GABPB1: variants seen among roughly 807,000 people sequenced by gnomAD.
GABPB1 encodes GA-binding protein subunit beta-1.
Under a neutral mutation model 45.9 loss-of-function variants are expected in GABPB1, and 15 were observed. The observed-to-expected ratio is 0.33, with a 90% CI of 0.22 to 0.50. The LOEUF is 0.50. GABPB1 is among the 20% of genes least tolerant of loss of function. The pLI, the probability that GABPB1 is intolerant of heterozygous loss-of-function variation, is 0.98. For missense variants in GABPB1, 252 were observed against 457.5 expected (o/e 0.55, Z 4.10); for synonymous variants, 143 against 154.4 (o/e 0.93, Z 0.55).
intron 7 of GABPB1, 86 bp downstream of exon 7, chr15:50,289,397 T>C: frequency 1.2e-6 from 1 of 803,438 alleles, no homozygotes; most frequent in East Asian, 2.8e-5. Context: ...ATAAACACAA[T>C]CTTTTTGGAC....
chr15:50,308,769 G>C (rs1046894367), intron 2 of GABPB1, among the ~76,000 whole-genome samples: 4 of 152,036 alleles, frequency 2.6e-5, no homozygotes, highest in Non-Finnish European at 4.4e-5. Flanking sequence ...TACTTAAGAA[G>C]ACTTTCTTTA....
chr15:50,304,144 G>GA lies in GABPB1; in HGVS notation c.109-12dup, dbSNP rs367702829. On this transcript the variant is annotated splice_polypyrimidine_tract_variant and intron_variant, in intron 2 of 8. Transcript: ENST00000380877. ...TGGAGAAGTTCCCAGCTGTACCACA[G>GA]AAAAAAAAAAAAATCCACATTTACA... is the stretch of plus-strand genomic sequence containing the variant. 0.15 allele frequency: 144,000 copies of GA among 988,380 alleles called. 1 individual carries two copies. Among genetic ancestry groups the GA allele is most frequent in the South Asian group, 0.17 (8,650 of 51,868 alleles). The allele number at this position is 988,380 out of a possible 1,614,324, so 61.2% of individuals were successfully genotyped here. A position where few individuals can be genotyped will look rare whatever the true frequency, so the allele number is the denominator to read the frequency against.
chr15:50,337,374 C>CCT (rs902050215), intron 1 of GABPB1, among the ~76,000 whole-genome samples: 5 of 151,812 alleles, frequency 3.3e-5, no homozygotes, highest in Non-Finnish European at 7.4e-5. Flanking sequence ...TTTTGAAAGA[C>CCT]TAAGCCAGCA....
chr15:50,286,072 A>G lies in GABPB1; in HGVS notation c.995T>C (p.Ile332Thr). 6.2e-7 allele frequency: 1 copy of G among 1,612,338 alleles called. No individual in the cohort carries two copies. Among genetic ancestry groups the G allele is most frequent in the Non-Finnish European group, 8.5e-7 (1 of 1,179,152 alleles). The part of the protein sequence containing the change: ...IIENRVESAE[I>T]EEREALQKQL... ...ACCGGGTAAAAGACTCCTTACTTCT[A>G]TTTCTGCAGATTCCACCCGGTTTTC... Residue 332 changes from isoleucine (I) to threonine (T), a missense_variant, in exon 8 of 9, where the codon ATA becomes ACA. Ile to Thr is a moderately conservative substitution (Grantham distance 89). Transcript: ENST00000380877.
intron 6 of GABPB1, among the ~76,000 whole-genome samples, chr15:50,290,735 C>T (rs1257060774): frequency 3.9e-5 from 6 of 152,092 alleles, no homozygotes; most frequent in African/African-American, 7.2e-5. Context: ...TAATAAGTGG[C>T]ATACAGATGT....
At chr15:50,343,529 C>T (rs1222573073) in intron 1 of GABPB1, among the ~76,000 whole-genome samples, 1 of 151,884 alleles carries the variant, frequency 6.6e-6, no homozygotes. Context: ...CACATCCCAC[C>T]AATCTATCCC....
At chr15:50,325,571 G>A (rs768407906) in intron 1 of GABPB1, among the ~76,000 whole-genome samples, 17 of 151,046 alleles carry the variant, frequency 1.1e-4, no homozygotes, top group Non-Finnish European at 1.9e-4. Flanking sequence ...TCGCTCTGTC[G>A]CCCAAGCTGG....
intron 7 of GABPB1, among the ~76,000 whole-genome samples, chr15:50,288,518 G>A (rs1186769500): frequency 6.6e-6 from 1 of 152,076 alleles, no homozygotes; most frequent in East Asian, 1.9e-4. Flanking sequence ...TGAGTCTGGG[G>A]CCCTATCCTT....
chr15:50,315,795 A>T (rs768432072), intron 1 of GABPB1, among the ~76,000 whole-genome samples: 10 of 152,164 alleles, frequency 6.6e-5, no homozygotes. Flanking sequence ...AAAATTCTGG[A>T]CGGGTGCAGT....
intron 7 of GABPB1, among the ~76,000 whole-genome samples, chr15:50,286,726 T>A (rs1313959585): frequency 6.6e-6 from 1 of 152,196 alleles, no homozygotes; most frequent in African/African-American, 2.4e-5. Context: ...GCATATTCCA[T>A]TATGAGCACT....
At position 50,278,533 on chromosome 15, in the gene GABPB1, T is replaced by C. The variant is rs1253261921; in HGVS notation, c.*99A>G. ...CCAATTATCCATCTGTAGTCTCTTC[T>C]ATCATTCTGTATTCCCATGGCTGTA... On this transcript the variant is annotated 3_prime_UTR_variant, in exon 9 of 9. Coordinates refer to ENST00000380877, the MANE Select transcript of GABPB1 (RefSeq NM_016654.5). 1 of 891,372 alleles carries C rather than the reference T, an allele frequency of 1.1e-6. No individual in the cohort carries two copies. The highest frequency in any genetic ancestry group is 1.6e-6 in the Non-Finnish European group (1 of 608,394). 55.2% of individuals were successfully genotyped at this position (891,372 alleles called of 1,614,324 possible). A position where few individuals can be genotyped will look rare whatever the true frequency, so the allele number is the denominator to read the frequency against.
chr15:50,348,413 G>T (rs2048684769), intron 1 of GABPB1, among the ~76,000 whole-genome samples: 1 of 151,994 alleles, frequency 6.6e-6, no homozygotes, highest in Non-Finnish European at 1.5e-5. Context: ...ACCACGTCTG[G>T]CTAATTTTTG....
At chr15:50,354,230 G>C in intron 1 of GABPB1, 2 of 348,662 alleles carry the variant, frequency 5.7e-6, no homozygotes, top group South Asian at 4.1e-5. Context: ...TCTTCCCTGA[G>C]GCAGTGCACC....
chr15:50,325,930 CAG>C (rs2047744449), intron 1 of GABPB1, among the ~76,000 whole-genome samples: 1 of 138,898 alleles, frequency 7.2e-6, no homozygotes, highest in Non-Finnish European at 1.6e-5. Flanking sequence ...TTTTTTAAGA[CAG>C]AGTCTGGCTC....
intron 1 of GABPB1, chr15:50,351,609 A>T (rs1223187856): frequency 1.5e-5 from 2 of 136,824 alleles, no homozygotes; most frequent in Admixed American, 1.6e-4. Context: ...AGGGGAAAAC[A>T]GGGAGGGAAG....
At chr15:50,347,223 C>A (rs1397215747) in intron 1 of GABPB1, among the ~76,000 whole-genome samples, 1 of 152,046 alleles carries the variant, frequency 6.6e-6, no homozygotes, top group South Asian at 2.1e-4. Context: ...TGGGGAGACA[C>A]AAGCTTTTAG....
chr15:50,340,134 T>G lies in GABPB1; in HGVS notation c.-1+14851A>C, dbSNP rs77810456. On this transcript the variant is annotated intron_variant, in intron 1 of 8. Coordinates refer to ENST00000380877, the MANE Select transcript of GABPB1 (RefSeq NM_016654.5). ...TATTGCCAGATAACTGCTTTGTCCC[T>G]TCACCATATGAGGGCACAGCAAGGT... Among the ~76,000 whole-genome samples, 730 of 152,310 alleles carry G rather than the reference T, an allele frequency of 4.8e-3. 4 individuals are homozygous for G. The highest frequency in any genetic ancestry group is 0.048 in the Middle Eastern group (14 of 294).
chr15:50,283,919 TTAAG>T (rs1239136737), intron 8 of GABPB1, among the ~76,000 whole-genome samples: 3 of 152,238 alleles, frequency 2.0e-5, no homozygotes, highest in African/African-American at 7.2e-5. Context: ...TTAAATTTCT[TTAAG>T]TTTCTCAATC....
At chr15:50,305,619 T>TA (rs1459100988) in intron 2 of GABPB1, among the ~76,000 whole-genome samples, 2 of 152,196 alleles carry the variant, frequency 1.3e-5, no homozygotes, top group Admixed American at 1.3e-4. Flanking sequence ...TAACTAGCCT[T>TA]TTCTATACTC....
Sources: gnomAD v4.1 joint callset for allele counts (sites outside exome capture counted in the v4.1 genomes callset) on GRCh38, gnomAD v4.1.1 for gene constraint, MANE v1.5 for transcripts, NCBI Gene and HGNC (gene_info 2026-07-23, HGNC 2026-07-21) for gene names.